Variants in P2RY14 observed in about 807,000 individuals in gnomAD.
The protein encoded by P2RY14 is purinergic receptor P2Y14, also known as P2Y purinoceptor 14.
In P2RY14, 2 loss-of-function variants were observed where a neutral mutation model predicts 0.9. The observed-to-expected ratio is 2.16, with a 90% CI of 0.88 to 6.79. The LOEUF is 6.79. Ranked by LOEUF, P2RY14 falls within the 30% of genes most tolerant of loss-of-function variation. The probability of loss-of-function intolerance (pLI) is 0.05; values close to 1 mark genes in which losing one functional copy is unlikely to be tolerated. For synonymous variants in P2RY14, 158 were observed against 147.2 expected (o/e 1.07, Z -0.53); for missense variants, 378 against 400.1 (o/e 0.94, Z 0.47).
intron 1 of P2RY14, chr3:151,249,059 A>G (rs1012134447): frequency 6.6e-6 from 1 of 152,214 alleles, no homozygotes; most frequent in Non-Finnish European, 1.5e-5. Flanking sequence ...AAATGCTTGA[A>G]TGTCAGGTAC....
chr3:151,215,936 C>G (rs1728134127), intron 2 of P2RY14, among the ~76,000 whole-genome samples: 1 of 152,116 alleles, frequency 6.6e-6, no homozygotes, highest in Non-Finnish European at 1.5e-5. Context: ...GTTTCCATAC[C>G]TTCTTGGCTG....
chr3:151,215,441 T>C (rs1436512293), intron 2 of P2RY14, among the ~76,000 whole-genome samples: 11 of 152,176 alleles, frequency 7.2e-5, no homozygotes, highest in Non-Finnish European at 2.9e-5. Flanking sequence ...TTAAATAAAA[T>C]ATATTATTAC....
At chr3:151,266,166 A>G (rs1045202514) in intron 1 of P2RY14, among the ~76,000 whole-genome samples, 1 of 152,172 alleles carries the variant, frequency 6.6e-6, no homozygotes, top group East Asian at 1.9e-4. Flanking sequence ...TATGCTAATG[A>G]TGCTGCTGCC....
At chr3:151,240,264 A>G (rs1733817972) in intron 1 of P2RY14, among the ~76,000 whole-genome samples, 1 of 152,196 alleles carries the variant, frequency 6.6e-6, no homozygotes, top group East Asian at 1.9e-4. Context: ...TGTGGGAATG[A>G]TGGCAGGTAA....
chr3:151,214,291 G>A lies in P2RY14; in HGVS notation c.26C>T (p.Pro9Leu). Residue 9 changes from proline to leucine, a missense_variant, in exon 3 of 3, where the codon CCT (proline) becomes CTT (leucine). Pro to Leu is a moderately conservative substitution (Grantham distance 98, BLOSUM62 -3). Transcript: ENST00000309170. ...GTTCTGAGAGCAGGATTCATCTGGAGGCTGTGTGGAGGTTGAATTGATCAT... is the reference window on the plus strand; with the variant it reads ...GTTCTGAGAGCAGGATTCATCTGGAAGCTGTGTGGAGGTTGAATTGATCAT... Reference protein sequence around the residue: MINSTSTQPPDESCSQNLL... With the variant: MINSTSTQLPDESCSQNLL... The A allele has an allele frequency of 6.2e-7, 1 of 1,613,672 alleles. No homozygotes were observed. Among genetic ancestry groups the A allele is most frequent in the Non-Finnish European group, 8.5e-7 (1 of 1,179,786 alleles).
At chr3:151,219,476 T>G (rs1728897635) in intron 2 of P2RY14, 59 bp downstream of exon 2, 1 of 152,218 alleles carries the variant, frequency 6.6e-6, no homozygotes, top group South Asian at 2.1e-4. Flanking sequence ...TTTTTCTTCA[T>G]AGCACTTCGA....
intron 1 of P2RY14, among the ~76,000 whole-genome samples, chr3:151,276,692 G>A (rs774583120): frequency 2.0e-5 from 3 of 152,158 alleles, no homozygotes; most frequent in Non-Finnish European, 4.4e-5. Context: ...CTAGGGAGCC[G>A]TGTTCTTCTT....
intron 2 of P2RY14, among the ~76,000 whole-genome samples, chr3:151,215,591 T>A (rs1320569486): frequency 2.0e-5 from 3 of 152,212 alleles, no homozygotes; most frequent in Non-Finnish European, 4.4e-5. Flanking sequence ...AGGAATCCTG[T>A]ATATTCTTCA....
At chr3:151,247,947 TTTCTTC>T (rs1203197867) in intron 1 of P2RY14, among the ~76,000 whole-genome samples, 1 of 131,520 alleles carries the variant, frequency 7.6e-6, no homozygotes, top group Non-Finnish European at 1.6e-5. Flanking sequence ...GTTTACTTTC[TTTCTTC>T]TTCTTCTTCT....
In P2RY14 at chr3:151,213,638, C is replaced by T. The variant is rs1727586629; in HGVS notation, c.679G>A (p.Val227Ile). Residue 227 changes from valine to isoleucine, a missense_variant, in exon 3 of 3, where the codon GTC (valine) becomes ATC (isoleucine). Physicochemically the swap from Val to Ile is conservative, Grantham distance 29. Transcript: ENST00000309170. ...HLKSSRNSTS[V>I]KKKSSRNIFS... ...ATGTTGCGGCTAGATTTCTTTTTGA[C>T]CGAAGTGGAATTCCGACTTGACTTA... 1.9e-6 allele frequency: 3 copies of T among 1,614,108 alleles called. No homozygotes were observed. The highest frequency in any genetic ancestry group is 1.3e-5 in the African/African-American group (1 of 75,006).
intron 1 of P2RY14, among the ~76,000 whole-genome samples, chr3:151,273,148 T>C (rs1741255328): frequency 6.6e-6 from 1 of 152,054 alleles, no homozygotes; most frequent in African/African-American, 2.4e-5. Context: ...CCATTGTTCT[T>C]ATAGTCATCA....
intron 2 of P2RY14, among the ~76,000 whole-genome samples, chr3:151,216,680 C>G (rs1246383714): frequency 6.6e-6 from 1 of 152,158 alleles, no homozygotes; most frequent in Admixed American, 6.5e-5. Flanking sequence ...TCCCTGTAGC[C>G]TTGTGTGCTT....
chr3:151,243,617 C>T (rs10084727), intron 1 of P2RY14, among the ~76,000 whole-genome samples: 16,677 of 150,376 alleles, frequency 0.11, 1,179 homozygotes, highest in Middle Eastern at 0.18. Flanking sequence ...CTGAAGGAAG[C>T]GCTAAACATG....
chr3:151,258,156 A>G (rs749583972), intron 1 of P2RY14, among the ~76,000 whole-genome samples: 1 of 152,184 alleles, frequency 6.6e-6, no homozygotes, highest in African/African-American at 2.4e-5. Flanking sequence ...CCACAGGCCC[A>G]AAGTGGGAGT....
intron 1 of P2RY14, among the ~76,000 whole-genome samples, chr3:151,241,612 ATATG>A (rs2149382700): frequency 1.3e-5 from 2 of 152,282 alleles, no homozygotes; most frequent in South Asian, 4.1e-4. Context: ...TGGGTTATAT[ATATG>A]TGTGTGTGTA....
chr3:151,238,566 G>A (rs1178386253), intron 1 of P2RY14, among the ~76,000 whole-genome samples: 2 of 152,130 alleles, frequency 1.3e-5, no homozygotes, highest in Non-Finnish European at 2.9e-5. Flanking sequence ...TATTTTCATC[G>A]TGCTGAAATT....
chr3:151,251,819 A>G (rs1024983412), intron 1 of P2RY14, among the ~76,000 whole-genome samples: 1 of 152,130 alleles, frequency 6.6e-6, no homozygotes, highest in African/African-American at 2.4e-5. Context: ...AATTTCAGCT[A>G]TTTGTGTACT....
At chr3:151,238,127 A>G (rs60769061) in intron 1 of P2RY14, among the ~76,000 whole-genome samples, 3,410 of 134,848 alleles carry the variant, frequency 0.025, 106 homozygotes, top group African/African-American at 0.087. Flanking sequence ...AGAACAGTGC[A>G]CATTTTTTCT....
chr3:151,225,679 G>A (rs764778187), intron 1 of P2RY14, among the ~76,000 whole-genome samples: 3 of 152,114 alleles, frequency 2.0e-5, no homozygotes, highest in East Asian at 1.9e-4. Context: ...ACTCTTGTCC[G>A]TGCCCTGTCT....
Sources: gnomAD v4.1 joint callset for allele counts (sites outside exome capture counted in the v4.1 genomes callset) on GRCh38, gnomAD v4.1.1 for gene constraint, MANE v1.5 for transcripts, NCBI Gene and HGNC (gene_info 2026-07-23, HGNC 2026-07-21) for gene names.